Variants in DLGAP1 observed in about 807,000 individuals in gnomAD.
The protein encoded by DLGAP1 is disks large-associated protein 1.
Under a neutral mutation model 90.8 loss-of-function variants are expected in DLGAP1, and 11 were observed. That is an observed-to-expected ratio of 0.12 (90% CI 0.08 to 0.20). DLGAP1 has a LOEUF of 0.20. DLGAP1 is among the 10% of genes least tolerant of loss of function. The probability of loss-of-function intolerance (pLI) is 1.00; values close to 1 mark genes in which losing one functional copy is unlikely to be tolerated. For missense variants in DLGAP1, 1,050 were observed against 1,333.8 expected, an observed-to-expected ratio of 0.79 and a Z score of 3.31; for synonymous variants, 558 against 540.7, an observed-to-expected ratio of 1.03 and a Z score of -0.44.
At chr18:4,137,798 T>C (rs1356334349) in intron 2 of DLGAP1, among the ~76,000 whole-genome samples, 4 of 152,190 alleles carry the variant, frequency 2.6e-5, no homozygotes, top group Non-Finnish European at 5.9e-5. Flanking sequence ...TCTCCTAAAT[T>C]CTTTCATCAG....
chr18:3,562,739 G>A (rs1311274668), intron 9 of DLGAP1, among the ~76,000 whole-genome samples: 14 of 149,550 alleles, frequency 9.4e-5, no homozygotes, highest in African/African-American at 2.7e-4. Flanking sequence ...ACTAAGTCTC[G>A]CTGTGTCTCC....
At chr18:3,773,887 A>C (rs1031966272) in intron 5 of DLGAP1, among the ~76,000 whole-genome samples, 21 of 152,322 alleles carry the variant, frequency 1.4e-4, no homozygotes, top group African/African-American at 4.8e-4. Context: ...TTCAATTGCC[A>C]AGTTAAAAAG....
chr18:3,545,742 T>C (rs2052979034), intron 9 of DLGAP1, among the ~76,000 whole-genome samples: 1 of 151,994 alleles, frequency 6.6e-6, no homozygotes, highest in Non-Finnish European at 1.5e-5. Flanking sequence ...AATAGAGACG[T>C]AAATAGTTTA....
intron 2 of DLGAP1, among the ~76,000 whole-genome samples, chr18:4,095,808 A>C (rs925944837): frequency 5.9e-5 from 9 of 152,026 alleles, no homozygotes; most frequent in African/African-American, 1.9e-4. Context: ...TTCAGATTTG[A>C]CTTCTCTCCA....
intron 6 of DLGAP1, among the ~76,000 whole-genome samples, chr18:3,735,547 T>C (rs1198824330): frequency 6.6e-6 from 1 of 152,132 alleles, no homozygotes; most frequent in East Asian, 1.9e-4. Context: ...TATGTCTAGG[T>C]ATATGGTACA....
At chr18:3,755,470 CA>C (rs2063681495) in intron 5 of DLGAP1, among the ~76,000 whole-genome samples, 2 of 149,850 alleles carry the variant, frequency 1.3e-5, no homozygotes, top group African/African-American at 2.4e-5. Context: ...CAAAAAACAA[CA>C]AAAAAACAAA....
rs147965446 is a variant in DLGAP1, at chr18:4,189,136, T to C, written c.-266-37849A>G. Among the ~76,000 whole-genome samples the C allele has an allele frequency of 4.5e-3, 685 of 152,270 alleles. 4 individuals are homozygous for C. The highest frequency in any genetic ancestry group is 0.016 in the African/African-American group (663 of 41,554). ...AGAATTTCAATTTTGATGAACATCA[T>C]CTCCATAAAATGAATGCTTTATAAC... is the stretch of plus-strand genomic sequence containing the variant. On this transcript the variant is annotated intron_variant, in intron 1 of 12. Coordinates refer to ENST00000315677, the MANE Select transcript of DLGAP1 (RefSeq NM_004746.4).
chr18:3,719,844 G>C (rs758599966), intron 7 of DLGAP1, among the ~76,000 whole-genome samples: 1 of 152,092 alleles, frequency 6.6e-6, no homozygotes, highest in African/African-American at 2.4e-5. Flanking sequence ...AAAAGAGAAA[G>C]GTTTTCAAAA....
intron 1 of DLGAP1, among the ~76,000 whole-genome samples, chr18:4,402,507 A>T (rs1445553646): frequency 1.3e-5 from 2 of 152,222 alleles, no homozygotes; most frequent in Admixed American, 6.5e-5. Context: ...CAGGCCGGGA[A>T]GACATGGTTA....
intron 2 of DLGAP1, among the ~76,000 whole-genome samples, chr18:4,143,985 G>T (rs1422842891): frequency 2.0e-5 from 3 of 152,152 alleles, no homozygotes; most frequent in Admixed American, 2.0e-4. Flanking sequence ...TAAGATGCAA[G>T]ACAAAGTCCT....
chr18:3,642,416 A>G (rs1252761375), intron 7 of DLGAP1, among the ~76,000 whole-genome samples: 1 of 152,196 alleles, frequency 6.6e-6, no homozygotes, highest in Non-Finnish European at 1.5e-5. Flanking sequence ...CTTACCTGGC[A>G]TATGTAAATG....
intron 1 of DLGAP1, among the ~76,000 whole-genome samples, chr18:4,191,506 G>A (rs1252276911): frequency 6.6e-6 from 1 of 152,004 alleles, no homozygotes; most frequent in African/African-American, 2.4e-5. Flanking sequence ...TCTTTCATGG[G>A]CAACTGTAAT....
chr18:3,939,843 A>T (rs1364527392), intron 3 of DLGAP1, among the ~76,000 whole-genome samples: 2 of 152,198 alleles, frequency 1.3e-5, no homozygotes, highest in African/African-American at 4.8e-5. Context: ...CTTTGACCCC[A>T]ACCATTAATG....
At chr18:4,079,466 T>C (rs2075573218) in intron 2 of DLGAP1, among the ~76,000 whole-genome samples, 1 of 151,852 alleles carries the variant, frequency 6.6e-6, no homozygotes, top group African/African-American at 2.4e-5. Context: ...TTCTCACTTA[T>C]AAGTAGGAGC....
intron 1 of DLGAP1, among the ~76,000 whole-genome samples, chr18:4,157,214 C>T (rs562389770): frequency 6.6e-6 from 1 of 151,844 alleles, no homozygotes; most frequent in South Asian, 2.1e-4. Context: ...GTTGTTTTAC[C>T]CAACTCCCTG....
intron 7 of DLGAP1, chr18:3,594,228 A>C (rs1324372488): frequency 5.9e-5 from 9 of 152,268 alleles, no homozygotes; most frequent in African/African-American, 1.9e-4. Context: ...CACTCTCAGG[A>C]ACCTGGCAAC....
intron 2 of DLGAP1, among the ~76,000 whole-genome samples, chr18:4,076,395 T>C (rs371130590): frequency 2.0e-5 from 3 of 152,128 alleles, no homozygotes; most frequent in African/African-American, 7.2e-5. Flanking sequence ...TGACTAAAAT[T>C]AGATATTGAT....
At chr18:3,797,602 C>G (rs1012582576) in intron 5 of DLGAP1, among the ~76,000 whole-genome samples, 10 of 152,152 alleles carry the variant, frequency 6.6e-5, no homozygotes, top group African/African-American at 2.4e-4. Flanking sequence ...AAGCTTTGTA[C>G]TGTTAAAGGC....
chr18:4,081,789 T>C (rs2075611997), intron 2 of DLGAP1, among the ~76,000 whole-genome samples: 2 of 152,222 alleles, frequency 1.3e-5, no homozygotes, highest in African/African-American at 4.8e-5. Flanking sequence ...TTGTCTGCTC[T>C]GTGGGCCCAA....
Sources: allele counts gnomAD v4.1 joint callset (sites outside exome capture counted in the v4.1 genomes callset), GRCh38; gene constraint gnomAD v4.1.1; transcripts MANE v1.5; gene names NCBI Gene and HGNC (gene_info 2026-07-23, HGNC 2026-07-21).